The following TANK variants were observed in gnomAD, a reference collection of about 807,000 sequenced individuals.
TANK encodes TRAF family member associated NFKB activator.
A neutral mutation model predicts 43.6 loss-of-function variants in TANK; 15 were observed. That is an observed-to-expected ratio of 0.34 (90% CI 0.23 to 0.53). TANK has a LOEUF of 0.53. Ranked by LOEUF, TANK falls within the 20% of genes least tolerant of loss-of-function variation. The pLI is 0.94. For missense variants in TANK, 417 were observed against 498.6 expected, an observed-to-expected ratio of 0.84 and a Z score of 1.56; for synonymous variants, 162 against 178.2, an observed-to-expected ratio of 0.91 and a Z score of 0.73.
intron 1 of TANK, among the ~76,000 whole-genome samples, chr2:161,169,590 A>G (rs2105270839): frequency 6.6e-6 from 1 of 152,340 alleles, no homozygotes; most frequent in South Asian, 2.1e-4. Flanking sequence ...AGATAAATAC[A>G]AAAAAGAATT....
At chr2:161,145,133 C>CTTTTTTTTTTTTTT (rs144526006) in intron 1 of TANK, among the ~76,000 whole-genome samples, 3 of 32,880 alleles carry the variant, frequency 9.1e-5, no homozygotes, top group African/African-American at 1.3e-4. Context: ...GCAACCCCTG[C>CTTTTTTTTTTTTTT]TTTTTTTTTT....
At chr2:161,143,380 A>AGG (rs1355702374) in intron 1 of TANK, among the ~76,000 whole-genome samples, 1 of 152,174 alleles carries the variant, frequency 6.6e-6, no homozygotes, top group Non-Finnish European at 1.5e-5. Context: ...GTGGTGAGAG[A>AGG]GGGCATCCTT....
Position 161,160,469 on chromosome 2 carries a change from G to A in TANK, c.-67G>A, listed in dbSNP as rs1308716505. 2 of 1,239,064 alleles carry A rather than the reference G, an allele frequency of 1.6e-6. No individual in the cohort carries two copies. Among genetic ancestry groups the A allele is most frequent in the Non-Finnish European group, 2.0e-6 (2 of 991,194 alleles). 76.8% of individuals were successfully genotyped at this position (1,239,064 alleles called of 1,614,324 possible). A position where few individuals can be genotyped will look rare whatever the true frequency, so the allele number is the denominator to read the frequency against. Reference sequence around the variant, plus strand: ...GCGACCTGAGGGGAGAGGGAACGCAGCTGAAAGCGTGAACTGTGTGAGTAA... The same window carrying A: ...GCGACCTGAGGGGAGAGGGAACGCAACTGAAAGCGTGAACTGTGTGAGTAA... On this transcript the variant is annotated 5_prime_UTR_variant, in exon 1 of 8. Coordinates refer to ENST00000392749, the MANE Select transcript of TANK (RefSeq NM_001199135.3).
intron 1 of TANK, among the ~76,000 whole-genome samples, chr2:161,141,038 T>A (rs1418402635): frequency 6.6e-6 from 1 of 152,178 alleles, no homozygotes; most frequent in Non-Finnish European, 1.5e-5. Flanking sequence ...CGGGTTTTCT[T>A]ATTTTTTCCC....
At position 161,160,483 on chromosome 2, in the gene TANK, C is replaced by T. The variant is rs1315182291; in HGVS notation, c.-53C>T. 9.6e-6 allele frequency: 12 copies of T among 1,244,652 alleles called. No individual in the cohort carries two copies. Among genetic ancestry groups the T allele is most frequent in the Non-Finnish European group, 1.2e-5 (12 of 993,768 alleles). 77.1% of individuals were successfully genotyped at this position (1,244,652 alleles called of 1,614,324 possible). A position where few individuals can be genotyped will look rare whatever the true frequency, so the allele number is the denominator to read the frequency against. On this transcript the variant is annotated 5_prime_UTR_variant, in exon 1 of 8. Transcript: ENST00000392749. ...GAGGGAACGCAGCTGAAAGCGTGAACTGTGTGAGTAAGAAACTTTGTGAAT... is the reference window on the plus strand; with the variant it reads ...GAGGGAACGCAGCTGAAAGCGTGAATTGTGTGAGTAAGAAACTTTGTGAAT...
At chr2:161,203,731 A>T in intron 3 of TANK, 136 bp downstream of exon 3, 1 of 576,114 alleles carries the variant, frequency 1.7e-6, no homozygotes, top group South Asian at 2.4e-5. Flanking sequence ...GTTATATGTT[A>T]TGTTTATTTA....
intron 4 of TANK, among the ~76,000 whole-genome samples, chr2:161,220,074 C>T (rs1176006785): frequency 1.3e-5 from 2 of 152,196 alleles, no homozygotes; most frequent in Non-Finnish European, 2.9e-5. Context: ...CGAAATAAAA[C>T]ATTGACTACA....
intron 2 of TANK, among the ~76,000 whole-genome samples, chr2:161,198,798 T>C (rs1686273138): frequency 6.6e-6 from 1 of 152,208 alleles, no homozygotes; most frequent in Non-Finnish European, 1.5e-5. Context: ...GAGAAATTGG[T>C]GGCAGCACTG....
At chr2:161,168,424 A>G (rs1384451396) in intron 1 of TANK, among the ~76,000 whole-genome samples, 7 of 152,176 alleles carry the variant, frequency 4.6e-5, no homozygotes, top group Non-Finnish European at 1.0e-4. Flanking sequence ...TCCAGATTGA[A>G]AGGGCCCACC....
Position 161,224,698 on chromosome 2 carries a change from G to T in TANK, c.472G>T (p.Ala158Ser), listed in dbSNP as rs1687523240. 3 of 1,590,974 alleles carry T rather than the reference G, an allele frequency of 1.9e-6. No homozygotes were observed. The highest frequency in any genetic ancestry group is 2.6e-6 in the Non-Finnish European group (3 of 1,167,934). The change falls in exon 6 of 8, where the codon GCA becomes TCA. Residue 158 changes from alanine (A) to serine (S), a missense_variant. Ala to Ser is a moderately conservative substitution (Grantham distance 99). Coordinates refer to ENST00000392749, the MANE Select transcript of TANK (RefSeq NM_001199135.3). ...TCATAAAATATGCATGCTAGCAAAA[G>T]CACAGAAAGACCACTTAAGCAAACT... ...EFHKICMLAK[A>S]QKDHLSKLNI...
chr2:161,179,280 T>C (rs1466366980), intron 1 of TANK, among the ~76,000 whole-genome samples: 1 of 152,178 alleles, frequency 6.6e-6, no homozygotes, highest in Non-Finnish European at 1.5e-5. Context: ...CCCACATTGC[T>C]GATCCTATTG....
upstream of TANK, chr2:161,156,068 G>A (rs1407736254): frequency 5.1e-6 from 5 of 983,406 alleles, no homozygotes; most frequent in African/African-American, 7.0e-5. Context: ...TATTGTATTG[G>A]TTCAAAGTAT....
intron 2 of TANK, among the ~76,000 whole-genome samples, chr2:161,189,077 A>G (rs763935783): frequency 6.6e-6 from 1 of 152,200 alleles, no homozygotes; most frequent in Non-Finnish European, 1.5e-5. Context: ...ATCCAACCTC[A>G]GGTATTCTGC....
chr2:161,173,291 C>T lies in TANK; in HGVS notation c.-49-6323C>T, dbSNP rs568999123. On this transcript the variant is annotated intron_variant, in intron 1 of 7. Transcript: ENST00000392749. ...TGCACACATGCTAGACTTGCATAAA[C>T]AGAATACTCCCTTCACTAAAATGCA... 2.2e-4 allele frequency among the ~76,000 whole-genome samples: 34 copies of T among 152,140 alleles called. 1 individual carries two copies. The highest frequency in any genetic ancestry group is 3.8e-4 in the Non-Finnish European group (26 of 68,012).
intron 1 of TANK, among the ~76,000 whole-genome samples, chr2:161,175,802 C>G (rs1310888105): frequency 6.6e-6 from 1 of 152,072 alleles, no homozygotes; most frequent in Non-Finnish European, 1.5e-5. Flanking sequence ...CTTGTCTGAA[C>G]CACTGGTCTG....
intron 7 of TANK, among the ~76,000 whole-genome samples, chr2:161,233,280 C>G (rs967763505): frequency 1.3e-5 from 2 of 152,014 alleles, no homozygotes; most frequent in Non-Finnish European, 2.9e-5. Context: ...CCTGTGGCCT[C>G]CAGCTACTTG....
intron 2 of TANK, chr2:161,201,462 C>A: frequency 5.2e-6 from 1 of 193,354 alleles, no homozygotes; most frequent in Non-Finnish European, 9.5e-6. Context: ...ATAACATAGG[C>A]ATTTATTCTG....
chr2:161,222,271 T>G (rs1226927770), intron 4 of TANK, among the ~76,000 whole-genome samples: 1 of 152,080 alleles, frequency 6.6e-6, no homozygotes, highest in African/African-American at 2.4e-5. Context: ...TTTTGTTGTT[T>G]TGAGACAGTC....
At position 161,235,704 on chromosome 2, in the gene TANK, G is replaced by A; in HGVS notation, c.*186G>A. On this transcript the variant is annotated 3_prime_UTR_variant, in exon 8 of 8. Coordinates refer to ENST00000392749, the MANE Select transcript of TANK (RefSeq NM_001199135.3). ...TTAAAAGATCATTCTGTTCTTTCAA[G>A]GAGAAATAAGCCTAAAAGAAGAAAA... 2 of 459,368 alleles carry A rather than the reference G, an allele frequency of 4.4e-6. No homozygotes were observed. Among genetic ancestry groups the A allele is most frequent in the Non-Finnish European group, 7.3e-6 (2 of 274,246 alleles). 28.5% of individuals were successfully genotyped at this position (459,368 alleles called of 1,614,324 possible). A position where few individuals can be genotyped will look rare whatever the true frequency, so the allele number is the denominator to read the frequency against.
Sources: gnomAD v4.1 joint callset for allele counts (sites outside exome capture counted in the v4.1 genomes callset) on GRCh38, gnomAD v4.1.1 for gene constraint, MANE v1.5 for transcripts, NCBI Gene and HGNC (gene_info 2026-07-23, HGNC 2026-07-21) for gene names.